SLU7: variants seen among roughly 807,000 people sequenced by gnomAD.
SLU7 encodes spliceosome associated SLU7.
In SLU7, 60 loss-of-function variants were observed where a neutral mutation model predicts 87.0. The observed-to-expected ratio is 0.69, with a 90% CI of 0.56 to 0.86. The LOEUF (loss-of-function observed/expected upper bound fraction) is 0.86. Ranked by LOEUF, SLU7 falls within the 40% of genes least tolerant of loss-of-function variation. SLU7 has a pLI of 0.00. For missense variants in SLU7, 507 were observed against 686.6 expected, an observed-to-expected ratio of 0.74 and a Z score of 2.92; for synonymous variants, 197 against 222.0, an observed-to-expected ratio of 0.89 and a Z score of 1.00.
At position 160,404,863 on chromosome 5, in the gene SLU7, AAT is replaced by A. The variant is rs1561553930; in HGVS notation, c.1408_1409del (p.Ile470TyrfsTer3). 6.2e-7 allele frequency: 1 copy of A among 1,609,286 alleles called. No individual in the cohort carries two copies. Among genetic ancestry groups the A allele is most frequent in the Non-Finnish European group, 8.5e-7 (1 of 1,175,628 alleles). ...ATTCTTCCCCAGTTATCTCATTTAT[AAT>A]ACACTCCTCAGAGTTCTGTGGGAAA... ...GKEIVNSEEC[I>X]INEITGEESV... On this transcript the variant is annotated frameshift_variant, in exon 14 of 16. Coordinates refer to ENST00000297151, the MANE Select transcript of SLU7 (RefSeq NM_006425.5). LOFTEE classifies it high-confidence loss of function.
chr5:160,408,836 T>C (rs1477393732), intron 6 of SLU7, 139 bp from the exon 7 acceptor site: 1 of 154,810 alleles, frequency 6.5e-6, no homozygotes, highest in Non-Finnish European at 1.4e-5. Flanking sequence ...TTATATATTA[T>C]ATTTATATTA....
At chr5:160,413,382 A>C (rs577489832) in intron 5 of SLU7, 74 bp downstream of exon 5, 2 of 1,368,414 alleles carry the variant, frequency 1.5e-6, no homozygotes, top group Admixed American at 4.1e-5. Flanking sequence ...CAAGATTTGA[A>C]AAGTAGAGCT....
At position 160,419,052 on chromosome 5, in the gene SLU7, A is replaced by C. The variant is rs1436565762; in HGVS notation, c.-46T>G. ...CCCCGCCGCAGCTAGCCCCAAGTCC[A>C]TCCGACAGAATCCAAGCCAATCTCG... is the stretch of plus-strand genomic sequence containing the variant. On this transcript the variant is annotated 5_prime_UTR_variant, in exon 1 of 16. It removes an upstream start codon present in the reference 5' UTR. Coordinates refer to ENST00000297151, the MANE Select transcript of SLU7 (RefSeq NM_006425.5). 1 of 152,194 alleles carries C rather than the reference A, an allele frequency of 6.6e-6. No homozygotes were observed. The allele number at this position is 152,194 out of a possible 1,614,324, so 9.4% of individuals were successfully genotyped here. A position where few individuals can be genotyped will look rare whatever the true frequency, so the allele number is the denominator to read the frequency against.
intron 1 of SLU7, 67 bp downstream of exon 1, chr5:160,418,956 C>A (rs1765586814): frequency 6.6e-6 from 1 of 152,268 alleles, no homozygotes; most frequent in Non-Finnish European, 1.5e-5. Flanking sequence ...TAATTAGGAG[C>A]CTTCGACTCA....
chr5:160,413,123 G>A (rs1765308828), intron 5 of SLU7, among the ~76,000 whole-genome samples: 1 of 152,142 alleles, frequency 6.6e-6, no homozygotes. Flanking sequence ...TCATGGGCAA[G>A]CTATAGCTTG....
rs1184240649 is a variant in SLU7 at position 160,412,563 on chromosome 5, T to G, written c.571-44A>C. 2.5e-6 allele frequency: 3 copies of G among 1,223,958 alleles called. No homozygotes were observed. The South Asian group carries it at 4.5e-5, about 18-fold the overall frequency. 75.8% of individuals were successfully genotyped at this position (1,223,958 alleles called of 1,614,324 possible). On this transcript the variant is annotated intron_variant, in intron 5 of 15. Coordinates refer to ENST00000297151, the MANE Select transcript of SLU7 (RefSeq NM_006425.5). ...GAAAGAAAGAAAGAAAAAGTAAACA[T>G]TTAAATTTTACTTACAACATTCAAG...
Position 160,403,418 on chromosome 5 carries a change from A to G in SLU7, c.1628T>C (p.Met543Thr). Residue 543 changes from methionine to threonine, a missense_variant, in exon 16 of 16, where the codon ATG becomes ACG. Coordinates refer to ENST00000297151, the MANE Select transcript of SLU7 (RefSeq NM_006425.5). ...AGGCCGCTTCCTCTCATCAATCTGC[A>G]TGGTCTCCTTGACATGAAGAAGGCG... ...EARLLHVKET[M>T]QIDERKRPYN... 1 of 1,612,984 alleles carries G rather than the reference A, an allele frequency of 6.2e-7. No individual in the cohort carries two copies. Among genetic ancestry groups the G allele is most frequent in the Non-Finnish European group, 8.5e-7 (1 of 1,179,578 alleles).
rs1201509806 is a variant in SLU7, at chr5:160,402,596, C to A, written c.*689G>T. 2 of 151,904 alleles carry A rather than the reference C, an allele frequency of 1.3e-5. No individual in the cohort carries two copies. The highest frequency in any genetic ancestry group is 2.9e-5 in the Non-Finnish European group (2 of 67,958). The allele number at this position is 151,904 out of a possible 1,614,324, so 9.4% of individuals were successfully genotyped here. A position where few individuals can be genotyped will look rare whatever the true frequency, so the allele number is the denominator to read the frequency against. On this transcript the variant is annotated 3_prime_UTR_variant, in exon 16 of 16. Coordinates refer to ENST00000297151, the MANE Select transcript of SLU7 (RefSeq NM_006425.5). The stretch of plus-strand genomic sequence containing the variant: ...ACAAAGCCCTGTTTTTTTCTCAAAA[C>A]CAAGGTGTGCTAATACTAAATATAG...
chr5:160,406,499 T>C lies in SLU7; in HGVS notation c.1256A>G (p.Tyr419Cys). ...GQERAVACSKYEEDVKIHNHT... is the reference protein window; with the variant it reads ...GQERAVACSKCEEDVKIHNHT... ...ATTGTGGATCTTCACATCCTCCTCA[T>C]ACTTAGAGCAGGCAACAGCCCGCTC... is the stretch of plus-strand genomic sequence containing the variant. Residue 419 changes from tyrosine to cysteine, a missense_variant, in exon 12 of 16, where the codon TAT (tyrosine) becomes TGT (cysteine). Physicochemically the swap from Tyr to Cys is radical, Grantham distance 194. Coordinates refer to ENST00000297151, the MANE Select transcript of SLU7 (RefSeq NM_006425.5). 6.2e-7 allele frequency: 1 copy of C among 1,612,884 alleles called. No homozygotes were observed. The highest frequency in any genetic ancestry group is 8.5e-7 in the Non-Finnish European group (1 of 1,179,608).
rs772185077 is a variant in SLU7 at position 160,404,992 on chromosome 5, GT to G, written c.1392+38del. ...GTTTTAGTTTGACTTAGGAGCTTCGGTTGTTTTATACCTTTAAGAACCAAAG... is the reference window on the plus strand; with the variant it reads ...GTTTTAGTTTGACTTAGGAGCTTCGGTGTTTTATACCTTTAAGAACCAAAG... On this transcript the variant is annotated intron_variant, in intron 13 of 15. Transcript: ENST00000297151. 9 of 1,559,274 alleles carry G rather than the reference GT, an allele frequency of 5.8e-6. No homozygotes were observed. The Admixed American group carries it at 1.3e-4, about 23-fold the overall frequency.
At position 160,414,485 on chromosome 5, in the gene SLU7, T is replaced by TTAA; in HGVS notation, c.171-14_171-13insTTA. On this transcript the variant is annotated splice_polypyrimidine_tract_variant and intron_variant, in intron 2 of 15. Transcript: ENST00000297151. ...GGGGTTGATGTCTCTGTAATTAAAGTAAAAAAAAAAAAAATTTAAGGATAA... is the reference window on the plus strand; with the variant it reads ...GGGGTTGATGTCTCTGTAATTAAAGTTAAAAAAAAAAAAAAAATTTAAGGATAA... 1 of 1,160,866 alleles carries TTAA rather than the reference T, an allele frequency of 8.6e-7. No homozygotes were observed. Among genetic ancestry groups the TTAA allele is most frequent in the Non-Finnish European group, 1.2e-6 (1 of 859,758 alleles). The allele number at this position is 1,160,866 out of a possible 1,614,324, so 71.9% of individuals were successfully genotyped here. A position where few individuals can be genotyped will look rare whatever the true frequency, so the allele number is the denominator to read the frequency against.
chr5:160,413,800 TA>T, intron 4 of SLU7, 98 bp downstream of exon 4: 1 of 999,888 alleles, frequency 1.0e-6, no homozygotes, highest in Non-Finnish European at 1.5e-6. Context: ...AACTTGTACC[TA>T]AATATAGGTG....
intron 6 of SLU7, 29 bp downstream of exon 6, chr5:160,412,421 AC>A: frequency 2.4e-6 from 3 of 1,272,528 alleles, no homozygotes; most frequent in Non-Finnish European, 3.4e-6. Context: ...AAGAAATAAA[AC>A]CTTTTTATTG....
In SLU7 at chr5:160,413,994, A is replaced by G. The variant is rs78168599; in HGVS notation, c.325-15T>C. 1.7e-4 allele frequency: 250 copies of G among 1,441,714 alleles called. 1 individual carries two copies. In the East Asian group the frequency reaches 5.7e-3, roughly 33 times the overall value. 89.3% of individuals were successfully genotyped at this position (1,441,714 alleles called of 1,614,324 possible). A position where few individuals can be genotyped will look rare whatever the true frequency, so the allele number is the denominator to read the frequency against. On this transcript the variant is annotated splice_polypyrimidine_tract_variant and intron_variant, in intron 3 of 15. Transcript: ENST00000297151. ...ATTATGGAATTCTATAAATATATAT[A>G]AAGAAAAACAAAAATGTCTTAACCA...
intron 11 of SLU7, 46 bp from the exon 12 acceptor site, chr5:160,406,675 T>G: frequency 1.5e-6 from 2 of 1,349,440 alleles, no homozygotes; most frequent in Admixed American, 2.5e-5. Flanking sequence ...CAACCTGATT[T>G]GCATTTAAAT....
intron 6 of SLU7, among the ~76,000 whole-genome samples, chr5:160,410,395 G>C (rs1380236074): frequency 6.6e-6 from 1 of 152,064 alleles, no homozygotes; most frequent in African/African-American, 2.4e-5. Context: ...TAAATCTACT[G>C]TATGTGGTTC....
At chr5:160,412,631 A>G (rs994099036) in intron 5 of SLU7, 112 bp from the exon 6 acceptor site, 2 of 667,114 alleles carry the variant, frequency 3.0e-6, no homozygotes, top group African/African-American at 1.8e-5. Context: ...ATAACTTTAA[A>G]TTAATTTATT....
At chr5:160,408,215 C>T (rs1049255486) in intron 8 of SLU7, 114 bp downstream of exon 8, 11 of 1,285,064 alleles carry the variant, frequency 8.6e-6, no homozygotes, top group Admixed American at 4.4e-5. Context: ...CAGAATGAAA[C>T]CTTATCTTAG....
chr5:160,406,965 T>C (rs973317039), intron 11 of SLU7, among the ~76,000 whole-genome samples: 3 of 152,232 alleles, frequency 2.0e-5, no homozygotes, highest in South Asian at 2.1e-4. Context: ...ACCATGTTAT[T>C]TGCTTTGACC....
Sources: gnomAD v4.1 joint callset for allele counts (sites outside exome capture counted in the v4.1 genomes callset) on GRCh38, gnomAD v4.1.1 for gene constraint, MANE v1.5 for transcripts, NCBI Gene and HGNC (gene_info 2026-07-23, HGNC 2026-07-21) for gene names.